The following ODAD2 variants were observed in gnomAD, a reference collection of about 807,000 sequenced individuals.
ODAD2 encodes the protein outer dynein arm-docking complex subunit 2.
In ODAD2, 89 loss-of-function variants were observed where a neutral mutation model predicts 106.8. The observed-to-expected ratio is 0.83, with a 90% CI of 0.70 to 0.99. ODAD2 has a LOEUF of 0.99. Ranked by LOEUF, ODAD2 falls within the 50% of genes least tolerant of loss-of-function variation. The pLI, the probability that ODAD2 is intolerant of heterozygous loss-of-function variation, is 0.00. For synonymous variants in ODAD2, 404 were observed against 436.2 expected, an observed-to-expected ratio of 0.93 and a Z score of 0.92; for missense variants, 1,168 against 1,238.5, an observed-to-expected ratio of 0.94 and a Z score of 0.85.
At chr10:27,846,100 C>G (rs902439878) in intron 19 of ODAD2, among the ~76,000 whole-genome samples, 7 of 152,186 alleles carry the variant, frequency 4.6e-5, no homozygotes, top group African/African-American at 1.7e-4. Context: ...AACTCTCCAC[C>G]CCAAATCAAC....
At chr10:27,960,510 C>A (rs1848060873) in intron 10 of ODAD2, among the ~76,000 whole-genome samples, 1 of 151,608 alleles carries the variant, frequency 6.6e-6, no homozygotes, top group Non-Finnish European at 1.5e-5. Flanking sequence ...CCACGCCCAG[C>A]TAATTTTTTT....
At chr10:27,960,311 T>TTCA (rs1354155539) in intron 10 of ODAD2, among the ~76,000 whole-genome samples, 1 of 122,080 alleles carries the variant, frequency 8.2e-6, no homozygotes, top group Non-Finnish European at 1.7e-5. Context: ...ATTTATTTAT[T>TTCA]TCATTATTAT....
chr10:27,843,242 C>T (rs1236774534), intron 19 of ODAD2, among the ~76,000 whole-genome samples: 2 of 152,120 alleles, frequency 1.3e-5, no homozygotes, highest in Non-Finnish European at 2.9e-5. Context: ...AAAATAAAAA[C>T]AGCCTATCTG....
chr10:27,858,858 C>A (rs1209308894), intron 19 of ODAD2, among the ~76,000 whole-genome samples: 2 of 139,158 alleles, frequency 1.4e-5, no homozygotes, highest in Non-Finnish European at 3.0e-5. Context: ...GGCTGGAGTG[C>A]AGTGGTGTGA....
At chr10:27,901,409 T>C (rs1479802276) in intron 17 of ODAD2, among the ~76,000 whole-genome samples, 3 of 152,124 alleles carry the variant, frequency 2.0e-5, no homozygotes, top group Non-Finnish European at 4.4e-5. Flanking sequence ...TATCAACTAA[T>C]GGGCAAAATA....
At chr10:27,905,943 G>A (rs1843557169) in intron 17 of ODAD2, among the ~76,000 whole-genome samples, 1 of 152,118 alleles carries the variant, frequency 6.6e-6, no homozygotes, top group Admixed American at 6.6e-5. Context: ...ATACCATTCA[G>A]GACATAGGAA....
At chr10:27,987,158 G>T (rs1849922428) in intron 3 of ODAD2, among the ~76,000 whole-genome samples, 1 of 152,222 alleles carries the variant, frequency 6.6e-6, no homozygotes, top group African/African-American at 2.4e-5. Flanking sequence ...CTTACCAGTG[G>T]TAAGGTAGCA....
chr10:27,993,974 A>ATATATGTGTGTGTGTG (rs369833558), intron 2 of ODAD2, among the ~76,000 whole-genome samples: 76 of 140,620 alleles, frequency 5.4e-4, no homozygotes, highest in Non-Finnish European at 8.6e-4. Context: ...ATATATATAT[A>ATATATGTGTGTGTGTG]TGTGTGTGTG....
chr10:27,969,463 G>T (rs562084100), intron 8 of ODAD2, among the ~76,000 whole-genome samples: 121 of 152,416 alleles, frequency 7.9e-4, no homozygotes, highest in Admixed American at 3.6e-3. Context: ...TCTCATGCTT[G>T]AAAGAGTAAG....
At chr10:27,863,851 C>G (rs1039977928) in intron 17 of ODAD2, among the ~76,000 whole-genome samples, 2 of 151,270 alleles carry the variant, frequency 1.3e-5, no homozygotes, top group African/African-American at 4.9e-5. Flanking sequence ...ATGACTGGAG[C>G]ACAAAATAAG....
At chr10:27,878,785 G>C (rs1841516239) in intron 17 of ODAD2, among the ~76,000 whole-genome samples, 1 of 152,080 alleles carries the variant, frequency 6.6e-6, no homozygotes. Flanking sequence ...CTCAAGCACA[G>C]AGAGTTTGTT....
chr10:27,909,771 T>C (rs1218416781), intron 16 of ODAD2, among the ~76,000 whole-genome samples: 1 of 140,906 alleles, frequency 7.1e-6, no homozygotes, highest in Non-Finnish European at 1.5e-5. Flanking sequence ...TGAGTCGAGA[T>C]TGCACCACTG....
intron 3 of ODAD2, among the ~76,000 whole-genome samples, 178 bp downstream of exon 3, chr10:27,987,208 T>G (rs1249801963): frequency 5.3e-5 from 8 of 152,230 alleles, no homozygotes; most frequent in Non-Finnish European, 1.2e-4. Context: ...AGGAGCATAA[T>G]ATTGCAGCCA....
intron 19 of ODAD2, among the ~76,000 whole-genome samples, chr10:27,831,736 A>C (rs1837491506): frequency 6.6e-6 from 1 of 152,236 alleles, no homozygotes; most frequent in South Asian, 2.1e-4. Context: ...TCTGAGGCAT[A>C]GCTGGTCCTC....
chr10:27,835,812 C>T (rs574694559), intron 19 of ODAD2, among the ~76,000 whole-genome samples: 1 of 152,014 alleles, frequency 6.6e-6, no homozygotes, highest in Admixed American at 6.6e-5. Context: ...GTAACCCCAG[C>T]TACCTCGGGA....
At chr10:27,864,522 G>A (rs1407130522) in intron 17 of ODAD2, among the ~76,000 whole-genome samples, 1 of 146,874 alleles carries the variant, frequency 6.8e-6, no homozygotes, top group African/African-American at 2.7e-5. Context: ...AGTGAGGTGA[G>A]AGCGGGGAGT....
At chr10:27,829,349 T>C (rs1287638653) in intron 19 of ODAD2, among the ~76,000 whole-genome samples, 1 of 152,170 alleles carries the variant, frequency 6.6e-6, no homozygotes, top group Non-Finnish European at 1.5e-5. Flanking sequence ...AAGTGAAAGA[T>C]TCTTTTGGTC....
intron 16 of ODAD2, among the ~76,000 whole-genome samples, chr10:27,921,488 A>C (rs1464670641): frequency 6.6e-6 from 1 of 151,880 alleles, no homozygotes; most frequent in African/African-American, 2.4e-5. Context: ...GTAGAGACTA[A>C]ATAACTCATG....
chr10:27,862,043 C>T (rs1376315200), intron 18 of ODAD2, among the ~76,000 whole-genome samples: 1 of 152,270 alleles, frequency 6.6e-6, no homozygotes, highest in Non-Finnish European at 1.5e-5. Context: ...AGAATGCCAT[C>T]GACTGAAGCT....
Sources: gnomAD v4.1 joint callset for allele counts (sites outside exome capture counted in the v4.1 genomes callset) on GRCh38, gnomAD v4.1.1 for gene constraint, MANE v1.5 for transcripts, NCBI Gene and HGNC (gene_info 2026-07-23, HGNC 2026-07-21) for gene names.